ATP2B2: variants seen among roughly 807,000 people sequenced by gnomAD.
ATP2B2 encodes plasma membrane calcium-transporting ATPase 2.
In ATP2B2, 15 loss-of-function variants were observed where a neutral mutation model predicts 120.0. That is an observed-to-expected ratio of 0.12 (90% CI 0.08 to 0.19). The LOEUF (loss-of-function observed/expected upper bound fraction) is 0.19. ATP2B2 is among the 10% of genes least tolerant of loss of function. ATP2B2 has a pLI of 1.00. For missense variants in ATP2B2, 1,045 were observed against 1,719.8 expected (o/e 0.61, Z 6.94); for synonymous variants, 694 against 700.3 (o/e 0.99, Z 0.14).
chr3:10,613,808 G>A (rs2125612676), intron 2 of ATP2B2, among the ~76,000 whole-genome samples: 1 of 151,434 alleles, frequency 6.6e-6, no homozygotes, highest in Admixed American at 6.6e-5. Context: ...GCCCACTCAA[G>A]ACCCTCGAGT....
intron 8 of ATP2B2, among the ~76,000 whole-genome samples, chr3:10,384,415 T>A (rs555369986): frequency 3.9e-5 from 6 of 152,296 alleles, no homozygotes; most frequent in African/African-American, 1.4e-4. Context: ...CCTGGGGGAC[T>A]ATTATGTCAC....
chr3:10,691,070 G>A (rs1458232698), intron 1 of ATP2B2, among the ~76,000 whole-genome samples: 1 of 152,198 alleles, frequency 6.6e-6, no homozygotes, highest in Non-Finnish European at 1.5e-5. Context: ...CTAACCAGAT[G>A]CTTTCAAATC....
intron 2 of ATP2B2, among the ~76,000 whole-genome samples, chr3:10,543,092 C>G (rs2125498649): frequency 6.6e-6 from 1 of 152,302 alleles, no homozygotes; most frequent in Non-Finnish European, 1.5e-5. Flanking sequence ...TCAATCATTC[C>G]TTCCTCTGTC....
At chr3:10,539,763 C>T (rs981085537) in intron 2 of ATP2B2, among the ~76,000 whole-genome samples, 3 of 152,154 alleles carry the variant, frequency 2.0e-5, no homozygotes, top group African/African-American at 7.2e-5. Context: ...ACCATAAAAA[C>T]CCTAGAAGAA....
In ATP2B2 at chr3:10,346,278, T is replaced by C. The variant is rs186630927; in HGVS notation, c.2405-141A>G. ...CAGCCGCCCCCTCCATCCAGGCTCT[T>C]CCCAGCTCCAGGCTGGCCTATAGCT... On this transcript the variant is annotated intron_variant, in intron 16 of 22. Transcript: ENST00000360273. This position sits in a 1 kb window ranked among gnomAD's most constrained non-coding sequence, Gnocchi z 4.1. 91 of 820,296 alleles carry C rather than the reference T, an allele frequency of 1.1e-4. No homozygotes were observed. In the African/African-American group the frequency reaches 1.4e-3, roughly 13 times the overall value. 50.8% of individuals were successfully genotyped at this position (820,296 alleles called of 1,614,324 possible).
intron 21 of ATP2B2, among the ~76,000 whole-genome samples, chr3:10,339,763 C>G (rs749775750): frequency 3.9e-5 from 6 of 152,150 alleles, no homozygotes; most frequent in Non-Finnish European, 8.8e-5. Flanking sequence ...TCCTGATTGA[C>G]GCCAGCCGGC....
At chr3:10,486,823 A>T (rs906709517) in intron 1 of ATP2B2, among the ~76,000 whole-genome samples, 1 of 152,028 alleles carries the variant, frequency 6.6e-6, no homozygotes, top group African/African-American at 2.4e-5. Flanking sequence ...GGGTTCAAGC[A>T]ATTCTCCTGC....
intron 6 of ATP2B2, 47 bp from the exon 7 acceptor site, chr3:10,386,559 C>A: frequency 6.2e-7 from 1 of 1,604,506 alleles, no homozygotes; most frequent in Non-Finnish European, 8.5e-7. Flanking sequence ...AAGCACACAG[C>A]CTCATCTGCC....
In ATP2B2 at chr3:10,579,779, C is replaced by G. The variant is rs151187214; in HGVS notation, c.-415+40138G>C. 1.6e-4 allele frequency among the ~76,000 whole-genome samples: 24 copies of G among 147,680 alleles called. No homozygotes were observed. The East Asian group carries it at 4.9e-3, about 30-fold the overall frequency. On this transcript the variant is annotated intron_variant, in intron 2 of 21. Coordinates refer to the ATP2B2 transcript ENST00000646379. ...GAGCTGAGATCATGCCACTGCACTC[C>G]AGCCTGGGCAACAGAGCGAGACTCC...
intron 1 of ATP2B2, among the ~76,000 whole-genome samples, chr3:10,678,360 G>A (rs932330331): frequency 1.3e-5 from 2 of 152,218 alleles, no homozygotes; most frequent in Non-Finnish European, 2.9e-5. Flanking sequence ...CTCCTTTCTT[G>A]GCGTGAGAGA....
At chr3:10,424,087 C>T (rs2063074217) in intron 2 of ATP2B2, among the ~76,000 whole-genome samples, 1 of 152,230 alleles carries the variant, frequency 6.6e-6, no homozygotes, top group Admixed American at 6.5e-5. Context: ...ATAGGCCCCA[C>T]TCGGCTGGGG....
chr3:10,456,139 TC>T (rs2064251386), intron 1 of ATP2B2, among the ~76,000 whole-genome samples: 3 of 152,140 alleles, frequency 2.0e-5, no homozygotes, highest in African/African-American at 7.2e-5. Context: ...AAGGAATCTA[TC>T]TTTCGAAGGA....
rs2061750945 is a variant in ATP2B2, at chr3:10,388,543, C to T, written c.782-141G>A. On this transcript the variant is annotated intron_variant, in intron 5 of 22. Transcript: ENST00000360273. ...GCATCACCTATGGTTAAGATTCACA[C>T]TGTGTGTGTGGTGGGCTCTTTCAAG... is the stretch of plus-strand genomic sequence containing the variant. 13 of 1,280,148 alleles carry T rather than the reference C, an allele frequency of 1.0e-5. No individual in the cohort carries two copies. The South Asian group carries it at 1.1e-4, about 11-fold the overall frequency. The allele number at this position is 1,280,148 out of a possible 1,614,324, so 79.3% of individuals were successfully genotyped here.
intron 1 of ATP2B2, among the ~76,000 whole-genome samples, chr3:10,490,569 T>A (rs1575395055): frequency 1.3e-5 from 2 of 152,082 alleles, no homozygotes; most frequent in East Asian, 3.9e-4. Context: ...CCTGGCTAAT[T>A]TTTGTGTTTT....
intron 1 of ATP2B2, among the ~76,000 whole-genome samples, chr3:10,474,909 T>A (rs11918267): frequency 0.16 from 24,724 of 152,284 alleles, 2,516 homozygotes; most frequent in East Asian, 0.47. Context: ...GACCTGTCTC[T>A]GTGTCCCTGG....
At chr3:10,605,407 C>G (rs2069034543) in intron 2 of ATP2B2, among the ~76,000 whole-genome samples, 1 of 152,206 alleles carries the variant, frequency 6.6e-6, no homozygotes, top group Non-Finnish European at 1.5e-5. Flanking sequence ...TTCACCATCC[C>G]TGGGCAATAG....
chr3:10,559,312 G>A (rs925810307), intron 2 of ATP2B2, among the ~76,000 whole-genome samples: 3 of 152,148 alleles, frequency 2.0e-5, no homozygotes, highest in African/African-American at 7.2e-5. Flanking sequence ...AAGTTGTAGT[G>A]CTTTATAGCA....
rs114638340 is a variant in ATP2B2, at chr3:10,354,275, A to G, written c.2137-3698T>C. 2.1e-3 allele frequency among the ~76,000 whole-genome samples: 324 copies of G among 152,294 alleles called. 1 individual carries two copies. Among genetic ancestry groups the G allele is most frequent in the African/African-American group, 7.3e-3 (305 of 41,540 alleles). ...GCGCATCTAACTGCTCTGGACACTG[A>G]GGATCCGGAGATGATTACGACTCAA... On this transcript the variant is annotated intron_variant, in intron 14 of 22. Coordinates refer to ENST00000360273, the MANE Select transcript of ATP2B2 (RefSeq NM_001001331.4).
At chr3:10,592,793 C>CT (rs2068675134) in intron 2 of ATP2B2, among the ~76,000 whole-genome samples, 1 of 152,166 alleles carries the variant, frequency 6.6e-6, no homozygotes, top group South Asian at 2.1e-4. Flanking sequence ...CCTCTCCCAA[C>CT]TTTTTTTGGG....
Sources: gnomAD v4.1 joint callset for allele counts (sites outside exome capture counted in the v4.1 genomes callset) on GRCh38, gnomAD v4.1.1 for gene constraint, Gnocchi (gnomAD v3.1) non-coding constraint, MANE v1.5 for transcripts, NCBI Gene and HGNC (gene_info 2026-07-23, HGNC 2026-07-21) for gene names.